The following NCKAP5 variants were observed in gnomAD, a reference collection of about 807,000 sequenced individuals.
NCKAP5 encodes NCK associated protein 5.
A neutral mutation model predicts 167.0 loss-of-function variants in NCKAP5; 92 were observed. That is an observed-to-expected ratio of 0.55 (90% CI 0.47 to 0.66). The LOEUF is 0.66. Ranked by LOEUF, NCKAP5 falls within the 30% of genes least tolerant of loss-of-function variation. The pLI, the probability that NCKAP5 is intolerant of heterozygous loss-of-function variation, is 0.00. For missense variants in NCKAP5, 2,378 were observed against 2,315.0 expected (o/e 1.03, Z -0.56); for synonymous variants, 891 against 877.4 (o/e 1.02, Z -0.27).
chr2:133,487,440 G>C (rs1480774982), intron 3 of NCKAP5, among the ~76,000 whole-genome samples: 1 of 152,156 alleles, frequency 6.6e-6, no homozygotes, highest in Non-Finnish European at 1.5e-5. Flanking sequence ...CTGCTAATTA[G>C]TTGTGTTTTC....
At chr2:133,442,288 C>T (rs1690908709) in intron 3 of NCKAP5, among the ~76,000 whole-genome samples, 1 of 152,094 alleles carries the variant, frequency 6.6e-6, no homozygotes, top group Non-Finnish European at 1.5e-5. Context: ...CAGAGCTATG[C>T]ACATAGGAGG....
chr2:133,155,451 C>G (rs892151497), intron 5 of NCKAP5, among the ~76,000 whole-genome samples: 2 of 152,140 alleles, frequency 1.3e-5, no homozygotes, highest in Non-Finnish European at 2.9e-5. Flanking sequence ...ACTTTGAGAA[C>G]CCCTGCCACA....
intron 3 of NCKAP5, among the ~76,000 whole-genome samples, chr2:133,385,476 G>T (rs1431051692): frequency 1.3e-5 from 2 of 152,136 alleles, no homozygotes; most frequent in South Asian, 4.2e-4. Flanking sequence ...TTTTTGCATT[G>T]ATGTTCATCA....
At chr2:132,915,294 G>A (rs1277823140) in intron 8 of NCKAP5, among the ~76,000 whole-genome samples, 2 of 152,034 alleles carry the variant, frequency 1.3e-5, no homozygotes, top group South Asian at 2.1e-4. Context: ...AGGCCGTCCT[G>A]TGTGCTGCAT....
intron 19 of NCKAP5, among the ~76,000 whole-genome samples, chr2:132,692,536 T>TC (rs1454389537): frequency 6.6e-6 from 1 of 152,318 alleles, no homozygotes; most frequent in Non-Finnish European, 1.5e-5. Flanking sequence ...CTTTTTTTTT[T>TC]CTCAAACTTG....
intron 19 of NCKAP5, among the ~76,000 whole-genome samples, chr2:132,682,576 C>T (rs1346079844): frequency 6.6e-6 from 1 of 152,002 alleles, no homozygotes; most frequent in Non-Finnish European, 1.5e-5. Context: ...AAAGTGAGTC[C>T]CTGAAAATTG....
At chr2:133,006,626 ATTTT>A (rs11325580) in intron 6 of NCKAP5, among the ~76,000 whole-genome samples, 4 of 121,454 alleles carry the variant, frequency 3.3e-5, no homozygotes, top group African/African-American at 1.2e-4. Context: ...ATTTTATTTT[ATTTT>A]TTTTTTGACA....
chr2:133,027,134 C>T (rs952140853), intron 6 of NCKAP5, among the ~76,000 whole-genome samples: 3 of 152,172 alleles, frequency 2.0e-5, no homozygotes, highest in Non-Finnish European at 4.4e-5. Context: ...CTCCCTGTAC[C>T]TACTTCCCCC....
At chr2:132,871,349 A>G (rs765124841) in intron 9 of NCKAP5, among the ~76,000 whole-genome samples, 8 of 152,232 alleles carry the variant, frequency 5.3e-5, no homozygotes, top group Non-Finnish European at 8.8e-5. Flanking sequence ...GAAGAATCGA[A>G]CTATTCATGC....
chr2:133,146,604 T>C (rs969892128), intron 5 of NCKAP5, among the ~76,000 whole-genome samples: 2 of 152,116 alleles, frequency 1.3e-5, no homozygotes, highest in African/African-American at 2.4e-5. Context: ...TGAGAATCCA[T>C]GGTGAATGCG....
At chr2:133,104,754 C>G (rs1031769130) in intron 6 of NCKAP5, among the ~76,000 whole-genome samples, 2 of 152,204 alleles carry the variant, frequency 1.3e-5, no homozygotes, top group African/African-American at 2.4e-5. Context: ...TTCACTCACT[C>G]TGGTGCTCCT....
At chr2:133,634,939 C>T in the NCKAP5 span, among the ~76,000 whole-genome samples, 1 of 151,624 alleles carries the variant, frequency 6.6e-6, no homozygotes, top group African/African-American at 2.4e-5. Flanking sequence ...GGGATCTTGG[C>T]TCACTGCAAC....
chr2:132,920,659 T>TTGTATATA (rs1553479140), intron 8 of NCKAP5, among the ~76,000 whole-genome samples: 1 of 82,018 alleles, frequency 1.2e-5, no homozygotes, highest in Non-Finnish European at 2.2e-5. Flanking sequence ...ATGGAAGAAC[T>TTGTATATA]TATATATATA....
chr2:133,159,021 G>T (rs1194055842), intron 5 of NCKAP5, among the ~76,000 whole-genome samples: 1 of 152,004 alleles, frequency 6.6e-6, no homozygotes, highest in East Asian at 1.9e-4. Context: ...ATGTCATTAA[G>T]GTTACAGACT....
the NCKAP5 span, among the ~76,000 whole-genome samples, chr2:133,588,862 C>A: frequency 6.6e-6 from 1 of 152,036 alleles, no homozygotes; most frequent in African/African-American, 2.4e-5. Context: ...GGCAAAGGGA[C>A]CAGCCAGAGC....
chr2:133,671,214 CAAAAAAAAAAAAAAA>C, the NCKAP5 span, among the ~76,000 whole-genome samples: 2 of 53,990 alleles, frequency 3.7e-5, no homozygotes, highest in East Asian at 9.6e-4. Flanking sequence ...GACTCCGTCT[CAAAAAAAAAAAAAAA>C]AAAAAAAAAA....
chr2:132,712,933 C>G (rs995154273), intron 19 of NCKAP5, among the ~76,000 whole-genome samples: 2 of 152,102 alleles, frequency 1.3e-5, no homozygotes, highest in Non-Finnish European at 2.9e-5. Flanking sequence ...CCATAGATAT[C>G]CACAGAAGAC....
At chr2:133,644,186 A>G in the NCKAP5 span, among the ~76,000 whole-genome samples, 1 of 152,216 alleles carries the variant, frequency 6.6e-6, no homozygotes, top group African/African-American at 2.4e-5. Context: ...TAGGTAAAGC[A>G]GATTGCCCTC....
intron 4 of NCKAP5, among the ~76,000 whole-genome samples, chr2:133,229,974 T>C (rs555428811): frequency 3.2e-4 from 48 of 152,262 alleles, no homozygotes; most frequent in African/African-American, 1.1e-3. Context: ...TATCTTTATT[T>C]ACAAACACAC....
Sources: allele counts gnomAD v4.1 joint callset (sites outside exome capture counted in the v4.1 genomes callset), GRCh38; gene constraint gnomAD v4.1.1; transcripts MANE v1.5; gene names NCBI Gene and HGNC (gene_info 2026-07-23, HGNC 2026-07-21).